Variants in GPR158 observed in about 807,000 individuals in gnomAD.
GPR158 encodes metabotropic glycine receptor.
GPR158 carries 30 observed loss-of-function variants against 78.2 expected under a neutral mutation model. The observed-to-expected ratio is 0.38, with a 90% CI of 0.29 to 0.52. The LOEUF (loss-of-function observed/expected upper bound fraction) is 0.52. Among genes scored for constraint, GPR158 ranks in the 20% least tolerant of loss-of-function variants. GPR158 has a pLI of 0.83. For synonymous variants in GPR158, 581 were observed against 591.1 expected, an observed-to-expected ratio of 0.98 and a Z score of 0.25; for missense variants, 1,463 against 1,523.5, an observed-to-expected ratio of 0.96 and a Z score of 0.66.
rs1285279051 is a variant in GPR158 at position 25,176,013 on chromosome 10, A to T, written c.593A>T (p.Glu198Val). Residue 198 changes from glutamate (E) to valine (V), a missense_variant, in exon 1 of 11, where the codon GAG (glutamate) becomes GTG (valine). Glu to Val is a moderately radical substitution (Grantham distance 121). Coordinates refer to ENST00000376351, the MANE Select transcript of GPR158 (RefSeq NM_020752.3). The surrounding 1 kb of genome is among the most constrained non-coding windows in gnomAD (Gnocchi z 6.3). ...GTCTTCCTCCAGGCCACGCGCGAGGAGAGCCGCATCCTGCTCCAAGACCTG... is the reference window on the plus strand; with the variant it reads ...GTCTTCCTCCAGGCCACGCGCGAGGTGAGCCGCATCCTGCTCCAAGACCTG... ...PQVFLQATRE[E>V]SRILLQDLSS... The T allele has an allele frequency of 6.2e-7, 1 of 1,612,512 alleles. No individual in the cohort carries two copies. Among genetic ancestry groups the T allele is most frequent in the South Asian group, 1.1e-5 (1 of 90,946 alleles).
At chr10:25,454,667 T>C (rs1055684916) in intron 4 of GPR158, among the ~76,000 whole-genome samples, 2 of 152,282 alleles carry the variant, frequency 1.3e-5, no homozygotes, top group African/African-American at 2.4e-5. Flanking sequence ...CCACCCACCC[T>C]GTCTGCCTCG....
intron 6 of GPR158, among the ~76,000 whole-genome samples, chr10:25,559,467 A>C (rs1836834182): frequency 6.6e-6 from 1 of 152,184 alleles, no homozygotes; most frequent in Admixed American, 6.5e-5. Context: ...TTACTTTTTG[A>C]AATCTAAAGA....
intron 2 of GPR158, among the ~76,000 whole-genome samples, chr10:25,280,145 T>C (rs1294444060): frequency 1.9e-4 from 29 of 151,734 alleles, no homozygotes; most frequent in Admixed American, 1.9e-3. Context: ...TAAACAACGG[T>C]AAAAATGAAG....
intron 2 of GPR158, among the ~76,000 whole-genome samples, chr10:25,275,700 T>C (rs2130747679): frequency 6.6e-6 from 1 of 152,328 alleles, no homozygotes; most frequent in Middle Eastern, 3.4e-3. Flanking sequence ...TCTGCCATGA[T>C]AAAGCATTTA....
chr10:25,254,192 T>C (rs1427204623), intron 2 of GPR158, among the ~76,000 whole-genome samples: 1 of 152,186 alleles, frequency 6.6e-6, no homozygotes. Flanking sequence ...TCCAAGAAAA[T>C]CAAGGCTGTC....
intron 2 of GPR158, among the ~76,000 whole-genome samples, chr10:25,241,203 CT>C (rs1376704847): frequency 1.0e-5 from 1 of 98,916 alleles, no homozygotes. Flanking sequence ...TCTTTCTTTC[CT>C]TTCTTTCCTT....
intron 8 of GPR158, among the ~76,000 whole-genome samples, chr10:25,593,369 T>G (rs927641837): frequency 6.6e-6 from 1 of 152,118 alleles, no homozygotes; most frequent in Non-Finnish European, 1.5e-5. Context: ...ATGTTTGTTT[T>G]GTGATTATAA....
At chr10:25,574,818 G>A (rs1837066018) in intron 7 of GPR158, among the ~76,000 whole-genome samples, 1 of 152,162 alleles carries the variant, frequency 6.6e-6, no homozygotes, top group Admixed American at 6.5e-5. Context: ...CCAAGAGGCG[G>A]AGGTCGCAGT....
rs59695469 is a variant in GPR158 at position 25,405,498 on chromosome 10, CTTTTTTT to C, written c.1112-6728_1112-6722del. On this transcript the variant is annotated intron_variant, in intron 3 of 10. Coordinates refer to ENST00000376351, the MANE Select transcript of GPR158 (RefSeq NM_020752.3). ...AAAATCTGACAAGAGAAACAATTTC[CTTTTTTT>C]TTTTTTTTTTTTTTTTTTTTTTTGC... 5.9e-4 allele frequency among the ~76,000 whole-genome samples: 27 copies of C among 45,530 alleles called. No homozygotes were observed. In the East Asian group the frequency reaches 6.6e-3, roughly 11 times the overall value. The allele number at this position is 45,530 out of a possible 152,430, so 29.9% of individuals were successfully genotyped here.
intron 2 of GPR158, among the ~76,000 whole-genome samples, chr10:25,361,174 G>T (rs1855633852): frequency 6.6e-6 from 1 of 151,944 alleles, no homozygotes; most frequent in South Asian, 2.1e-4. Flanking sequence ...CAAATAAATA[G>T]AATCATATGG....
intron 2 of GPR158, among the ~76,000 whole-genome samples, chr10:25,228,169 G>T (rs980856886): frequency 6.6e-6 from 1 of 152,172 alleles, no homozygotes; most frequent in African/African-American, 2.4e-5. Flanking sequence ...CAGCTACTCA[G>T]GAGGCTGAGG....
chr10:25,419,317 T>G (rs574670737), intron 4 of GPR158, among the ~76,000 whole-genome samples: 64 of 152,218 alleles, frequency 4.2e-4, no homozygotes, highest in Non-Finnish European at 8.2e-4. Flanking sequence ...TGGTACCATA[T>G]ATTATAACCT....
chr10:25,373,023 A>G (rs1157757638), intron 2 of GPR158, among the ~76,000 whole-genome samples: 1 of 151,938 alleles, frequency 6.6e-6, no homozygotes, highest in Non-Finnish European at 1.5e-5. Flanking sequence ...AGCACTATTC[A>G]TGATAGCAAA....
intron 5 of GPR158, among the ~76,000 whole-genome samples, chr10:25,474,921 C>T (rs1040156900): frequency 4.6e-5 from 7 of 152,096 alleles, no homozygotes; most frequent in Admixed American, 1.3e-4. Context: ...AACACTTTCT[C>T]ATGTTATTTT....
chr10:25,396,604 G>A (rs910918312), intron 3 of GPR158, among the ~76,000 whole-genome samples: 10 of 151,922 alleles, frequency 6.6e-5, no homozygotes, highest in Middle Eastern at 3.2e-3. Flanking sequence ...TTCAAAACCA[G>A]CCTGGACAAC....
At chr10:25,185,516 A>G (rs531385142) in intron 1 of GPR158, among the ~76,000 whole-genome samples, 1 of 152,358 alleles carries the variant, frequency 6.6e-6, no homozygotes, top group South Asian at 2.1e-4. Flanking sequence ...TCCCATAAAA[A>G]GATGAATTTT....
At chr10:25,225,549 C>T (rs981417071) in intron 2 of GPR158, among the ~76,000 whole-genome samples, 4 of 152,064 alleles carry the variant, frequency 2.6e-5, no homozygotes, top group Admixed American at 2.6e-4. Context: ...AATCCAAGTC[C>T]TACATAAAAC....
intron 2 of GPR158, among the ~76,000 whole-genome samples, chr10:25,238,740 C>T (rs1282110236): frequency 6.6e-6 from 1 of 152,158 alleles, no homozygotes; most frequent in Non-Finnish European, 1.5e-5. Flanking sequence ...CCATGCAAGC[C>T]GTATCAAATG....
chr10:25,501,031 T>C (rs905807835), intron 5 of GPR158, among the ~76,000 whole-genome samples: 3 of 152,038 alleles, frequency 2.0e-5, no homozygotes, highest in Non-Finnish European at 4.4e-5. Context: ...TACGCGTAAA[T>C]GGAGGTTGCT....
Sources: allele counts gnomAD v4.1 joint callset (sites outside exome capture counted in the v4.1 genomes callset), GRCh38; gene constraint gnomAD v4.1.1; non-coding constraint Gnocchi (gnomAD v3.1); transcripts MANE v1.5; gene names NCBI Gene and HGNC (gene_info 2026-07-23, HGNC 2026-07-21).